Variants in RBFOX1 observed in about 807,000 individuals in gnomAD.
RBFOX1 encodes the protein RNA binding protein fox-1 homolog 1.
In RBFOX1, 8 loss-of-function variants were observed where a neutral mutation model predicts 57.7. The observed-to-expected ratio is 0.14, with a 90% CI of 0.08 to 0.25. RBFOX1 has a LOEUF of 0.25. Among genes scored for constraint, RBFOX1 ranks in the 10% least tolerant of loss-of-function variants. The pLI is 1.00. For missense variants in RBFOX1, 611 were observed against 548.5 expected, an observed-to-expected ratio of 1.11 and a Z score of -1.14; for synonymous variants, 326 against 222.4, an observed-to-expected ratio of 1.47 and a Z score of -4.15.
chr16:6,649,946 C>T (rs114913638), intron 2 of RBFOX1, among the ~76,000 whole-genome samples: 2,158 of 152,086 alleles, frequency 0.014, 59 homozygotes, highest in African/African-American at 0.049. Flanking sequence ...ATATTTTTGC[C>T]ACTGTGAATT....
At chr16:5,678,993 G>A (rs1596716095) in intron 3 of RBFOX1, among the ~76,000 whole-genome samples, 1 of 152,316 alleles carries the variant, frequency 6.6e-6, no homozygotes, top group East Asian at 1.9e-4. Flanking sequence ...TGGATGGAAG[G>A]CTAAGATGCA....
chr16:6,532,628 C>G (rs577519653), intron 2 of RBFOX1, among the ~76,000 whole-genome samples: 1 of 152,090 alleles, frequency 6.6e-6, no homozygotes, highest in Non-Finnish European at 1.5e-5. Flanking sequence ...TCCTGGTGAT[C>G]GTCTCTTCTC....
intron 4 of RBFOX1, among the ~76,000 whole-genome samples, chr16:7,402,209 C>T (rs2098256123): frequency 6.6e-6 from 1 of 152,076 alleles, no homozygotes; most frequent in African/African-American, 2.4e-5. Context: ...TTTAAGTACT[C>T]ACTGAGTCTT....
intron 3 of RBFOX1, among the ~76,000 whole-genome samples, chr16:6,772,696 G>A (rs1267361862): frequency 7.1e-6 from 1 of 140,568 alleles, no homozygotes; most frequent in Non-Finnish European, 1.5e-5. Context: ...TGTATATGTG[G>A]GTGTGGGATG....
chr16:7,250,704 G>A (rs1372891207), intron 4 of RBFOX1, among the ~76,000 whole-genome samples: 1 of 152,142 alleles, frequency 6.6e-6, no homozygotes, highest in Non-Finnish European at 1.5e-5. Flanking sequence ...AATTTTTTAT[G>A]TACCCAGGGC....
At chr16:6,915,466 C>T (rs2072900740) in intron 3 of RBFOX1, among the ~76,000 whole-genome samples, 1 of 152,044 alleles carries the variant, frequency 6.6e-6, no homozygotes, top group Non-Finnish European at 1.5e-5. Flanking sequence ...AAAATTATTC[C>T]TTAAACAAAT....
chr16:6,276,774 G>A (rs977374093), intron 1 of RBFOX1, among the ~76,000 whole-genome samples: 1 of 150,986 alleles, frequency 6.6e-6, no homozygotes, highest in Non-Finnish European at 1.5e-5. Context: ...CTGTTTATCT[G>A]TTTCCCCACG....
chr16:5,600,854 ATC>A (rs1313838459), downstream of RBFOX1, among the ~76,000 whole-genome samples: 15 of 152,146 alleles, frequency 9.9e-5, no homozygotes, highest in African/African-American at 3.6e-4. Flanking sequence ...CAAATGTTTG[ATC>A]TCTGTTCTTT....
chr16:7,654,430 G>C (rs937569855), intron 12 of RBFOX1, among the ~76,000 whole-genome samples: 5 of 152,118 alleles, frequency 3.3e-5, no homozygotes, highest in African/African-American at 1.2e-4. Flanking sequence ...AGAAAATTAG[G>C]TGTTGAGTCA....
chr16:5,488,915 C>G (rs2042734631), intron 2 of RBFOX1, among the ~76,000 whole-genome samples: 1 of 152,186 alleles, frequency 6.6e-6, no homozygotes, highest in Admixed American at 6.5e-5. Flanking sequence ...ATAGCTAAAA[C>G]TTGAGTGCTG....
intron 1 of RBFOX1, among the ~76,000 whole-genome samples, chr16:6,026,846 C>T (rs1029214381): frequency 2.0e-5 from 3 of 152,178 alleles, no homozygotes. Context: ...GGACCACCTG[C>T]CTGGTTACAG....
chr16:6,582,475 C>G (rs201590288), intron 2 of RBFOX1, among the ~76,000 whole-genome samples: 16 of 61,252 alleles, frequency 2.6e-4, no homozygotes, highest in African/African-American at 8.7e-4. Flanking sequence ...TTTTTTTTTT[C>G]AATTTTTAGA....
chr16:5,428,265 C>T (rs1189480929), intron 1 of RBFOX1, among the ~76,000 whole-genome samples: 2 of 152,192 alleles, frequency 1.3e-5, no homozygotes, highest in Non-Finnish European at 1.5e-5. Flanking sequence ...TACAAACTTG[C>T]TATTGCTTGC....
intron 3 of RBFOX1, among the ~76,000 whole-genome samples, chr16:5,728,785 C>T (rs556964611): frequency 6.6e-6 from 1 of 152,262 alleles, no homozygotes; most frequent in South Asian, 2.1e-4. Flanking sequence ...AGCTACTCGC[C>T]ACTGTGTTCT....
At chr16:6,997,905 C>G (rs1166816362) in intron 3 of RBFOX1, among the ~76,000 whole-genome samples, 1 of 151,906 alleles carries the variant, frequency 6.6e-6, no homozygotes. Flanking sequence ...TACATGTAAG[C>G]TCTTAGAAAA....
At chr16:5,754,204 G>A (rs1199878039) in intron 3 of RBFOX1, among the ~76,000 whole-genome samples, 3 of 152,172 alleles carry the variant, frequency 2.0e-5, no homozygotes, top group Non-Finnish European at 4.4e-5. Context: ...CCACATGCAA[G>A]CTACTTAACT....
intron 1 of RBFOX1, among the ~76,000 whole-genome samples, chr16:6,070,732 G>T: frequency 6.6e-6 from 1 of 151,634 alleles, no homozygotes; most frequent in African/African-American, 2.4e-5. Flanking sequence ...CTTTATCATT[G>T]CAATTCATAA....
At chr16:7,668,404 G>T (rs2070159774) in intron 13 of RBFOX1, among the ~76,000 whole-genome samples, 1 of 152,202 alleles carries the variant, frequency 6.6e-6, no homozygotes, top group Non-Finnish European at 1.5e-5. Flanking sequence ...GCCAAAGGGA[G>T]TAGACTTGTT....
chr16:7,437,401 G>T (rs1030541112), intron 4 of RBFOX1, among the ~76,000 whole-genome samples: 2 of 152,080 alleles, frequency 1.3e-5, no homozygotes, highest in Admixed American at 1.3e-4. Flanking sequence ...GCTCTCCCAT[G>T]TCAGATTCTG....
Sources: allele counts gnomAD v4.1 joint callset (sites outside exome capture counted in the v4.1 genomes callset), GRCh38; gene constraint gnomAD v4.1.1; transcripts MANE v1.5; gene names NCBI Gene and HGNC (gene_info 2026-07-23, HGNC 2026-07-21).